Variants in GRAMD1C observed in about 807,000 individuals in gnomAD.
GRAMD1C encodes the protein protein Aster-C.
Under a neutral mutation model 97.8 loss-of-function variants are expected in GRAMD1C, and 89 were observed. The ratio of observed to expected loss-of-function variants is 0.91; its 90% CI spans 0.77 to 1.09. The LOEUF is 1.09. Among genes scored for constraint, GRAMD1C ranks in the 50% least tolerant of loss-of-function variants. GRAMD1C has a pLI of 0.00. For missense variants in GRAMD1C, 740 were observed against 766.4 expected (o/e 0.97, Z 0.41); for synonymous variants, 256 against 267.0 (o/e 0.96, Z 0.40).
At chr3:113,910,842 T>C (rs1936542909) in intron 9 of GRAMD1C, among the ~76,000 whole-genome samples, 1 of 152,114 alleles carries the variant, frequency 6.6e-6, no homozygotes, top group African/African-American at 2.4e-5. Flanking sequence ...GAGAACCAGC[T>C]TCTGTGGGCA....
intron 5 of GRAMD1C, 53 bp downstream of exon 5, chr3:113,876,313 C>A: frequency 2.3e-6 from 2 of 854,900 alleles, no homozygotes; most frequent in East Asian, 2.4e-5. Context: ...AAATCTCCCT[C>A]ATACTCATCA....
At chr3:113,876,363 A>C in intron 5 of GRAMD1C, 103 bp downstream of exon 5, 1 of 672,268 alleles carries the variant, frequency 1.5e-6, no homozygotes. Flanking sequence ...TGGAGTTAGG[A>C]ATATCTGATA....
chr3:113,886,018 A>T, intron 6 of GRAMD1C: 1 of 1,295,530 alleles, frequency 7.7e-7, no homozygotes, highest in South Asian at 1.2e-5. Flanking sequence ...CTTCACCAAC[A>T]TCGGCTCTGG....
chr3:113,872,450 A>G (rs1414434820), intron 3 of GRAMD1C, among the ~76,000 whole-genome samples: 10 of 136,748 alleles, frequency 7.3e-5, no homozygotes, highest in Middle Eastern at 3.8e-3. Flanking sequence ...ACTGGAGTGC[A>G]GTGGTGTGAT....
chr3:113,916,842 T>C (rs1936831299), intron 10 of GRAMD1C, among the ~76,000 whole-genome samples: 2 of 152,208 alleles, frequency 1.3e-5, no homozygotes, highest in Non-Finnish European at 2.9e-5. Context: ...TTTCATTGAT[T>C]ATGTGTTAAA....
At chr3:113,927,358 C>T (rs1030970447) in intron 10 of GRAMD1C, among the ~76,000 whole-genome samples, 13 of 152,052 alleles carry the variant, frequency 8.5e-5, no homozygotes, top group South Asian at 4.2e-4. Context: ...TTTTGGACCA[C>T]GGGGCTCTTT....
chr3:113,876,122 A>G (rs763165237), intron 4 of GRAMD1C, 43 bp from the exon 5 acceptor site: 4 of 845,846 alleles, frequency 4.7e-6, no homozygotes, highest in South Asian at 4.2e-5. Flanking sequence ...TGTATTGTGT[A>G]TGTTTCTGAA....
chr3:113,847,826 C>T (rs932487721), intron 2 of GRAMD1C, among the ~76,000 whole-genome samples: 2 of 150,976 alleles, frequency 1.3e-5, no homozygotes, highest in Non-Finnish European at 2.9e-5. Flanking sequence ...CTAAAACAAA[C>T]AAATGAAAAT....
intron 1 of GRAMD1C, among the ~76,000 whole-genome samples, chr3:113,831,598 C>T (rs1347138533): frequency 6.6e-6 from 1 of 152,074 alleles, no homozygotes; most frequent in African/African-American, 2.4e-5. Flanking sequence ...CTTATGGGTT[C>T]TGTTCATTTT....
chr3:113,921,877 A>T (rs1268868008), intron 10 of GRAMD1C, among the ~76,000 whole-genome samples: 2 of 152,116 alleles, frequency 1.3e-5, no homozygotes, highest in Non-Finnish European at 2.9e-5. Flanking sequence ...TTTCAGACAC[A>T]TAGTTTGTAA....
intron 1 of GRAMD1C, among the ~76,000 whole-genome samples, chr3:113,830,933 A>G (rs762804424): frequency 5.3e-5 from 8 of 152,164 alleles, no homozygotes; most frequent in Non-Finnish European, 1.2e-4. Context: ...CATCTCTACT[A>G]AAAATACAAA....
chr3:113,855,475 G>A (rs1184248233), intron 2 of GRAMD1C, among the ~76,000 whole-genome samples: 5 of 152,200 alleles, frequency 3.3e-5, no homozygotes, highest in South Asian at 4.1e-4. Context: ...AGGCCAAGGC[G>A]GGTGGATCCC....
chr3:113,835,565 A>T (rs1172367534), upstream of GRAMD1C, among the ~76,000 whole-genome samples: 1 of 152,192 alleles, frequency 6.6e-6, no homozygotes, highest in Non-Finnish European at 1.5e-5. Flanking sequence ...CAAGAAGTGG[A>T]GCTTTGTCCC....
chr3:113,876,335 A>G, intron 5 of GRAMD1C, 75 bp downstream of exon 5: 7 of 749,956 alleles, frequency 9.3e-6, no homozygotes, highest in Non-Finnish European at 1.4e-5. Context: ...CAATGTTGGG[A>G]AATTAGGCAG....
chr3:113,885,293 T>C, intron 6 of GRAMD1C: 1 of 1,511,002 alleles, frequency 6.6e-7, no homozygotes, highest in South Asian at 1.1e-5. Flanking sequence ...GCCGGGGTCA[T>C]CCGGATGGTG....
chr3:113,838,972 T>C, intron 1 of GRAMD1C, 36 bp downstream of exon 1: 1 of 1,220,798 alleles, frequency 8.2e-7, no homozygotes, highest in Non-Finnish European at 1.0e-6. Flanking sequence ...GGTTCCCATC[T>C]GTGGCTTTAG....
At chr3:113,919,271 C>CT (rs1023758079) in intron 10 of GRAMD1C, 10 of 439,650 alleles carry the variant, frequency 2.3e-5, no homozygotes, top group Non-Finnish European at 4.5e-5. Flanking sequence ...ATTGATATGT[C>CT]TTTAATGATG....
chr3:113,879,986 G>A (rs1199175376), intron 5 of GRAMD1C, among the ~76,000 whole-genome samples: 1 of 152,042 alleles, frequency 6.6e-6, no homozygotes, highest in African/African-American at 2.4e-5. Context: ...GAGCCACCGT[G>A]CCCGGCTGAC....
chr3:113,853,067 G>A (rs149451722), intron 2 of GRAMD1C, among the ~76,000 whole-genome samples: 2 of 152,220 alleles, frequency 1.3e-5, no homozygotes, highest in African/African-American at 4.8e-5. Context: ...TAAAGACTAC[G>A]AAAGTCATAT....
Sources: gnomAD v4.1 joint callset for allele counts (sites outside exome capture counted in the v4.1 genomes callset) on GRCh38, gnomAD v4.1.1 for gene constraint, MANE v1.5 for transcripts, NCBI Gene and HGNC (gene_info 2026-07-23, HGNC 2026-07-21) for gene names.